Variants in FMN1 observed in about 807,000 individuals in gnomAD.
FMN1 encodes formin-1.
A neutral mutation model predicts 132.4 loss-of-function variants in FMN1; 110 were observed. That is an observed-to-expected ratio of 0.83 (90% CI 0.71 to 0.97). The LOEUF (loss-of-function observed/expected upper bound fraction) is 0.97, where lower values mean the gene tolerates loss of function less well. Ranked by LOEUF, FMN1 falls within the 50% of genes least tolerant of loss-of-function variation. FMN1 has a pLI of 0.00. For synonymous variants in FMN1, 722 were observed against 651.7 expected, an observed-to-expected ratio of 1.11 and a Z score of -1.64; for missense variants, 1,792 against 1,705.3, an observed-to-expected ratio of 1.05 and a Z score of -0.90.
At chr15:33,033,741 T>C (rs1433221463) in intron 6 of FMN1, among the ~76,000 whole-genome samples, 4 of 152,080 alleles carry the variant, frequency 2.6e-5, no homozygotes, top group Non-Finnish European at 4.4e-5. Context: ...TATCATTCTC[T>C]TTTAAACCCA....
chr15:32,914,979 G>T (rs1475319378), intron 10 of FMN1, among the ~76,000 whole-genome samples: 1 of 152,234 alleles, frequency 6.6e-6, no homozygotes, highest in Non-Finnish European at 1.5e-5. Context: ...TTCCACTGAA[G>T]TTTCTCCTCT....
At chr15:32,940,022 A>G (rs985607294) in intron 9 of FMN1, among the ~76,000 whole-genome samples, 4 of 152,222 alleles carry the variant, frequency 2.6e-5, no homozygotes, top group Non-Finnish European at 5.9e-5. Context: ...GTTTGCTATT[A>G]GCATTCTGTG....
intron 6 of FMN1, among the ~76,000 whole-genome samples, chr15:33,050,242 A>G (rs2036906667): frequency 6.6e-6 from 1 of 152,244 alleles, no homozygotes; most frequent in Admixed American, 6.5e-5. Context: ...GTCAAGAAGC[A>G]TCTGTATACA....
At chr15:32,977,666 GT>G (rs2032320363) in intron 7 of FMN1, among the ~76,000 whole-genome samples, 1 of 151,964 alleles carries the variant, frequency 6.6e-6, no homozygotes, top group African/African-American at 2.4e-5. Context: ...CAAGACTCTC[GT>G]ATCACTTTGT....
At chr15:33,077,840 C>T (rs560387299) in intron 5 of FMN1, among the ~76,000 whole-genome samples, 4 of 148,152 alleles carry the variant, frequency 2.7e-5, no homozygotes, top group Non-Finnish European at 6.0e-5. Context: ...TATGAACAGA[C>T]ACTTCTCAAA....
chr15:33,098,617 C>T (rs1010219620), intron 4 of FMN1, among the ~76,000 whole-genome samples: 2 of 152,106 alleles, frequency 1.3e-5, no homozygotes, highest in African/African-American at 4.8e-5. Flanking sequence ...TTTTTAGTAC[C>T]CACACCTCAC....
chr15:32,845,015 G>A (rs149164805), intron 17 of FMN1, among the ~76,000 whole-genome samples: 66 of 152,292 alleles, frequency 4.3e-4, no homozygotes, highest in African/African-American at 1.4e-3. Context: ...TCCAGAATTG[G>A]ACATTGTCTG....
At chr15:33,055,232 T>C (rs1174334493) in intron 6 of FMN1, among the ~76,000 whole-genome samples, 10 of 152,194 alleles carry the variant, frequency 6.6e-5, no homozygotes, top group Non-Finnish European at 8.8e-5. Flanking sequence ...CACTCCTCTC[T>C]ACTGATAATA....
intron 17 of FMN1, among the ~76,000 whole-genome samples, chr15:32,818,481 C>T (rs1056739425): frequency 6.6e-6 from 1 of 152,092 alleles, no homozygotes; most frequent in Non-Finnish European, 1.5e-5. Context: ...AGAATTAAGG[C>T]AGATTTTTAT....
intron 6 of FMN1, among the ~76,000 whole-genome samples, chr15:33,023,940 G>A (rs1002359595): frequency 6.6e-5 from 10 of 152,166 alleles, no homozygotes; most frequent in South Asian, 4.2e-4. Flanking sequence ...TACCAGAATC[G>A]TGTCTGTTGA....
In FMN1 at chr15:32,904,998, T is replaced by C. The variant is rs550736511; in HGVS notation, c.3378-2958A>G. Among the ~76,000 whole-genome samples, 6 of 152,336 alleles carry C rather than the reference T, an allele frequency of 3.9e-5. No homozygotes were observed. The East Asian group carries it at 1.2e-3, about 29-fold the overall frequency. ...CTGAATATTTATGGATTGAGTTCCT[T>C]TTGGGCTAGTCTAACTTTACATTCT... On this transcript the variant is annotated intron_variant, in intron 12 of 20. Transcript: ENST00000616417.
chr15:32,850,402 G>A (rs1395292646), intron 17 of FMN1, among the ~76,000 whole-genome samples: 3 of 151,898 alleles, frequency 2.0e-5, no homozygotes, highest in African/African-American at 7.3e-5. Flanking sequence ...AATAGATTAC[G>A]TGCATATGCC....
rs777986490 is a variant in FMN1 at position 32,968,755 on chromosome 15, C to T, written c.2946G>A (p.Met982Ile). Residue 982 changes from methionine (M) to isoleucine (I), a missense_variant, in exon 8 of 21, where the codon ATG becomes ATA. Physicochemically the swap from Met to Ile is conservative, Grantham distance 10. Around this residue, in one of 3 missense-constraint regions of FMN1, gnomAD observed 1,150 missense variants for 1,043.1 expected, o/e 1.10. Transcript: ENST00000616417. ...RKPAIEPSCP[M>I]KPLYWTRIQI... ...GTATCCTAGTCCAATATAAAGGCTT[C>T]ATGGGACAACTGGGCTCGATGGCTG... 2 of 1,612,932 alleles carry T rather than the reference C, an allele frequency of 1.2e-6. No homozygotes were observed. Among genetic ancestry groups the T allele is most frequent in the Non-Finnish European group, 1.7e-6 (2 of 1,179,714 alleles).
intron 4 of FMN1, among the ~76,000 whole-genome samples, chr15:33,119,073 A>G (rs1962304114): frequency 6.6e-6 from 1 of 152,238 alleles, no homozygotes; most frequent in South Asian, 2.1e-4. Flanking sequence ...CGACAAAACA[A>G]TGACTTTTCA....
intron 4 of FMN1, among the ~76,000 whole-genome samples, chr15:33,128,782 G>T (rs376468670): frequency 1.3e-5 from 2 of 152,204 alleles, no homozygotes; most frequent in Middle Eastern, 3.2e-3. Context: ...GGACCCAAAC[G>T]GTGAGCAGCA....
chr15:32,831,145 T>A (rs1029022384), intron 17 of FMN1, among the ~76,000 whole-genome samples: 2 of 152,214 alleles, frequency 1.3e-5, no homozygotes, highest in Non-Finnish European at 2.9e-5. Flanking sequence ...AGGGTTTTTT[T>A]ATTCAATGAG....
chr15:33,024,307 C>T (rs537979356), intron 6 of FMN1, among the ~76,000 whole-genome samples: 12 of 130,700 alleles, frequency 9.2e-5, no homozygotes, highest in African/African-American at 3.2e-4. Context: ...AGTGCAGTGA[C>T]GTGATCTCGG....
chr15:32,954,691 G>A (rs1047632503), intron 9 of FMN1, among the ~76,000 whole-genome samples: 7 of 152,146 alleles, frequency 4.6e-5, no homozygotes, highest in Admixed American at 2.0e-4. Flanking sequence ...AAATGCAGAC[G>A]AATGCCCATT....
chr15:33,148,463 C>T (rs1964314980), intron 4 of FMN1, among the ~76,000 whole-genome samples: 1 of 152,228 alleles, frequency 6.6e-6, no homozygotes, highest in African/African-American at 2.4e-5. Context: ...GGAAGGCTGA[C>T]CCCGTAGACC....
Sources: gnomAD v4.1 joint callset for allele counts (sites outside exome capture counted in the v4.1 genomes callset) on GRCh38, gnomAD v4.1.1 for gene constraint, gnomAD v4.1.1 regional missense constraint, MANE v1.5 for transcripts, NCBI Gene and HGNC (gene_info 2026-07-23, HGNC 2026-07-21) for gene names.